Variants in SBK1 observed in about 807,000 individuals in gnomAD.
SBK1 encodes serine/threonine-protein kinase SBK1.
A neutral mutation model predicts 24.4 loss-of-function variants in SBK1; 11 were observed. The ratio of observed to expected loss-of-function variants is 0.45; its 90% confidence interval spans 0.28 to 0.75. The LOEUF (loss-of-function observed/expected upper bound fraction) is 0.75, where lower values mean the gene tolerates loss of function less well. Ranked by LOEUF, SBK1 falls within the 30% of genes least tolerant of loss-of-function variation. The pLI is 0.12. For missense variants in SBK1, 467 were observed against 620.5 expected, an observed-to-expected ratio of 0.75 and a Z score of 2.63; for synonymous variants, 308 against 284.4, an observed-to-expected ratio of 1.08 and a Z score of -0.83.
rs149970614 is a variant in SBK1 at position 28,279,549 on chromosome 16, C to G, written c.257+20047C>G. Among the ~76,000 whole-genome samples, 473 of 152,204 alleles carry G rather than the reference C, an allele frequency of 3.1e-3. 4 individuals carry two copies. Among genetic ancestry groups the G allele is most frequent in the African/African-American group, 0.011 (458 of 41,514 alleles). On this transcript the variant is annotated intron_variant, in intron 1 of 3. Transcript: ENST00000671413. The stretch of plus-strand genomic sequence containing the variant: ...TTTCTCTGGGTCCCGCATTCTGTCA[C>G]GGGCACAGGTTCAACTACTTTCACC...
At position 28,317,429 on chromosome 16, in the gene SBK1, C is replaced by T. The variant is rs758909153; in HGVS notation, c.38C>T (p.Ser13Phe). Reference sequence around the variant, plus strand: ...TGCCCAGAGCCTGAGCCGCCCCGCTCCCTGACCTGCTGTGGGCCGGGGACT... The same window carrying T: ...TGCCCAGAGCCTGAGCCGCCCCGCTTCCTGACCTGCTGTGGGCCGGGGACT... ...VGCPEPEPPR[S>F]LTCCGPGTAP... The change falls in exon 2 of 4, where the codon TCC becomes TTC. Residue 13 changes from serine (S) to phenylalanine (F), a missense_variant. Ser to Phe is a radical substitution (Grantham distance 155). Transcript: ENST00000341901. This position sits in a 1 kb window ranked among gnomAD's most constrained non-coding sequence, Gnocchi z 4.2. 2 of 1,614,006 alleles carry T rather than the reference C, an allele frequency of 1.2e-6. No homozygotes were observed. The highest frequency in any genetic ancestry group is 1.3e-5 in the African/African-American group (1 of 74,938).
At chr16:28,316,181 A>G (rs2044794197) in intron 1 of SBK1, among the ~76,000 whole-genome samples, 1 of 152,178 alleles carries the variant, frequency 6.6e-6, no homozygotes, top group Admixed American at 6.5e-5. Flanking sequence ...GGCCATGTGT[A>G]TGGTGGGATG....
At chr16:28,283,262 G>A (rs1018346698) in intron 1 of SBK1, among the ~76,000 whole-genome samples, 1 of 152,194 alleles carries the variant, frequency 6.6e-6, no homozygotes, top group Admixed American at 6.6e-5. Flanking sequence ...CTTTATTTCT[G>A]GGGGGTTGTA....
intron 1 of SBK1, among the ~76,000 whole-genome samples, chr16:28,309,608 G>A (rs1051639156): frequency 6.6e-6 from 1 of 152,070 alleles, no homozygotes; most frequent in African/African-American, 2.4e-5. Flanking sequence ...TTCAAAATAG[G>A]AATTCAAGCT....
intron 1 of SBK1, among the ~76,000 whole-genome samples, chr16:28,263,867 A>G (rs780791648): frequency 2.2e-4 from 33 of 152,128 alleles, no homozygotes; most frequent in Non-Finnish European, 2.6e-4. Flanking sequence ...GTTCATGCCT[A>G]TAATCCCAGC....
Position 28,322,987 on chromosome 16 carries a change from TTCTCTCTC to T in SBK1, c.*2069_*2076del, listed in dbSNP as rs1324340488. The T allele has an allele frequency of 7.7e-5, 9 of 116,764 alleles. No individual in the cohort carries two copies. In the East Asian group the frequency reaches 2.2e-3, roughly 29 times the overall value. 7.2% of individuals were successfully genotyped at this position (116,764 alleles called of 1,614,324 possible). A position where few individuals can be genotyped will look rare whatever the true frequency, so the allele number is the denominator to read the frequency against. ...CTCTCTCTCTCTCTCTCTCCTCTCT[TTCTCTCTC>T]TCCCTCTCTCTGTTAAGATCCTGTT... On this transcript the variant is annotated 3_prime_UTR_variant, in exon 4 of 4. Coordinates refer to ENST00000341901, the MANE Select transcript of SBK1 (RefSeq NM_001024401.3).
At chr16:28,299,780 G>A (rs1567676609) in intron 1 of SBK1, among the ~76,000 whole-genome samples, 2 of 152,252 alleles carry the variant, frequency 1.3e-5, no homozygotes, top group African/African-American at 4.8e-5. Context: ...CAGGTTTGGG[G>A]TTTGGAGTGC....
upstream of SBK1, chr16:28,291,571 AAAAG>A (rs1427838895): frequency 6.6e-6 from 1 of 152,210 alleles, no homozygotes; most frequent in Non-Finnish European, 1.5e-5. Flanking sequence ...AAACAAAAAA[AAAAG>A]AAAGAAATAG....
rs74882061 is a variant in SBK1, at chr16:28,299,102, A to G, written c.-8+5802A>G. Among the ~76,000 whole-genome samples the G allele has an allele frequency of 4.6e-3, 695 of 152,274 alleles. 4 individuals are homozygous for G. The highest frequency in any genetic ancestry group is 0.016 in the African/African-American group (659 of 41,540). On this transcript the variant is annotated intron_variant, in intron 1 of 3. Transcript: ENST00000341901. ...AGGCACAATGGGGCCCACAGATAAC[A>G]CAGCTTAGTGGTAAAAAACGCAATC... is the stretch of plus-strand genomic sequence containing the variant.
Position 28,320,189 on chromosome 16 carries a change from G to C in SBK1, c.543G>C (p.Leu181=). Residue 181 remains leucine, a synonymous_variant, in exon 4 of 4, where the codon CTG becomes CTC. Coordinates refer to ENST00000341901, the MANE Select transcript of SBK1 (RefSeq NM_001024401.3). This position sits in a 1 kb window ranked among gnomAD's most constrained non-coding sequence, Gnocchi z 8.5. ...VHRDIKPENV[L]LFDRECRRVK... ...GCGACATCAAGCCCGAGAACGTGCT[G>C]CTGTTCGACCGCGAGTGCCGCCGCG... is the stretch of plus-strand genomic sequence containing the variant. 6.3e-7 allele frequency: 1 copy of C among 1,594,012 alleles called. No homozygotes were observed. Among genetic ancestry groups the C allele is most frequent in the Non-Finnish European group, 8.5e-7 (1 of 1,175,746 alleles).
intron 1 of SBK1, among the ~76,000 whole-genome samples, chr16:28,270,753 T>C (rs924550515): frequency 6.6e-6 from 1 of 151,872 alleles, no homozygotes; most frequent in African/African-American, 2.4e-5. Context: ...TTAGCCAAAC[T>C]ACTAATAAAG....
rs142995202 is a variant in SBK1 at position 28,272,847 on chromosome 16, C to T, written c.257+13345C>T. Among the ~76,000 whole-genome samples the T allele has an allele frequency of 6.9e-3, 1,043 of 151,762 alleles. 14 individuals carry two copies. Among genetic ancestry groups the T allele is most frequent in the African/African-American group, 0.024 (1,000 of 41,374 alleles). ...ATATTGGCCAGGCTGGTCTCGAACT[C>T]CTGACCTTGTGATCCACCCACTTCG... is the stretch of plus-strand genomic sequence containing the variant. On this transcript the variant is annotated intron_variant, in intron 1 of 3. Coordinates refer to the SBK1 transcript ENST00000671413.
intron 1 of SBK1, among the ~76,000 whole-genome samples, chr16:28,305,066 G>C (rs1567677685): frequency 6.6e-6 from 1 of 151,628 alleles, no homozygotes; most frequent in South Asian, 2.1e-4. Context: ...GAGCACCTCT[G>C]ACCTCTCTCA....
chr16:28,272,017 G>A (rs558041573), intron 1 of SBK1, among the ~76,000 whole-genome samples: 5 of 152,152 alleles, frequency 3.3e-5, no homozygotes, highest in Non-Finnish European at 7.3e-5. Context: ...TTTTACTGTG[G>A]TAAGGACACT....
chr16:28,310,431 C>G (rs532536560), intron 1 of SBK1, among the ~76,000 whole-genome samples: 304 of 152,324 alleles, frequency 2.0e-3, no homozygotes, highest in Non-Finnish European at 1.9e-3. Context: ...CCCCACCTGG[C>G]TGGGGAATCT....
intron 1 of SBK1, among the ~76,000 whole-genome samples, chr16:28,298,848 T>C (rs552898161): frequency 6.6e-6 from 1 of 152,306 alleles, no homozygotes; most frequent in African/African-American, 2.4e-5. Context: ...GGGACCATCC[T>C]CCTCCTTCTG....
In SBK1 at chr16:28,292,731, C is replaced by G; in HGVS notation, c.-577C>G. 1.0e-6 allele frequency: 1 copy of G among 984,984 alleles called. No homozygotes were observed. The highest frequency in any genetic ancestry group is 1.2e-6 in the Non-Finnish European group (1 of 829,618). 61.0% of individuals were successfully genotyped at this position (984,984 alleles called of 1,614,324 possible). On this transcript the variant is annotated 5_prime_UTR_variant, in exon 1 of 4. Transcript: ENST00000341901. The stretch of plus-strand genomic sequence containing the variant: ...GGTGGCCGGGACCCACTAAAGCCCC[C>G]GCAGCCGAGGAGTGCGGGGAGCCCC...
intron 1 of SBK1, among the ~76,000 whole-genome samples, chr16:28,268,498 C>T (rs1471405453): frequency 1.3e-5 from 2 of 151,036 alleles, no homozygotes; most frequent in Admixed American, 6.6e-5. Context: ...CTCGGTGGCT[C>T]ATACCTGTAA....
intron 1 of SBK1, among the ~76,000 whole-genome samples, chr16:28,293,993 G>C (rs568881113): frequency 6.6e-6 from 1 of 152,242 alleles, no homozygotes; most frequent in Admixed American, 6.5e-5. Flanking sequence ...GCTATTTCAG[G>C]TCAGGGCACC....
Sources: allele counts gnomAD v4.1 joint callset (sites outside exome capture counted in the v4.1 genomes callset), GRCh38; gene constraint gnomAD v4.1.1; non-coding constraint Gnocchi (gnomAD v3.1); transcripts MANE v1.5; gene names NCBI Gene and HGNC (gene_info 2026-07-23, HGNC 2026-07-21).